DCP2: variants seen among roughly 807,000 people sequenced by gnomAD.
DCP2 encodes decapping mRNA 2.
Under a neutral mutation model 56.1 loss-of-function variants are expected in DCP2, and 30 were observed. The observed-to-expected ratio is 0.53, with a 90% confidence interval of 0.40 to 0.73. The LOEUF (loss-of-function observed/expected upper bound fraction) is 0.73, where lower values mean the gene tolerates loss of function less well. DCP2 is among the 30% of genes least tolerant of loss of function. The pLI is 0.00. For synonymous variants in DCP2, 197 were observed against 163.3 expected (o/e 1.21, Z -1.57); for missense variants, 533 against 502.7 (o/e 1.06, Z -0.58).
intron 2 of DCP2, among the ~76,000 whole-genome samples, chr5:112,990,367 G>A (rs1447037586): frequency 1.3e-5 from 2 of 152,024 alleles, no homozygotes; most frequent in Non-Finnish European, 2.9e-5. Context: ...CCTTCAGTAA[G>A]CACTCAGCAA....
At chr5:113,003,854 A>G in intron 7 of DCP2, 88 bp from the exon 8 acceptor site, 2 of 1,411,836 alleles carry the variant, frequency 1.4e-6, no homozygotes, top group African/African-American at 1.4e-5. Flanking sequence ...ATAAGAAAAT[A>G]TGTAGTCTAT....
At chr5:113,008,517 A>C (rs950530097) in intron 9 of DCP2, among the ~76,000 whole-genome samples, 25 of 152,328 alleles carry the variant, frequency 1.6e-4, no homozygotes, top group Non-Finnish European at 3.1e-4. Flanking sequence ...TCAGTCCTCC[A>C]AAAGTTAATT....
At chr5:112,980,118 T>A (rs2150165846) in intron 1 of DCP2, among the ~76,000 whole-genome samples, 1 of 152,362 alleles carries the variant, frequency 6.6e-6, no homozygotes, top group East Asian at 1.9e-4. Context: ...TGATGAACCA[T>A]GATTTTTGAT....
chr5:113,004,546 T>C (rs1446417277), intron 8 of DCP2, among the ~76,000 whole-genome samples: 1 of 152,252 alleles, frequency 6.6e-6, no homozygotes, highest in East Asian at 1.9e-4. Context: ...ACATTTTGGT[T>C]GTTTCCAGTT....
In DCP2 at chr5:113,016,010, G is replaced by T. The variant is rs1328313496; in HGVS notation, c.*2526G>T. The T allele has an allele frequency of 6.6e-6, 1 of 152,610 alleles. No homozygotes were observed. The highest frequency in any genetic ancestry group is 1.5e-5 in the Non-Finnish European group (1 of 68,028). 9.5% of individuals were successfully genotyped at this position (152,610 alleles called of 1,614,324 possible). On this transcript the variant is annotated 3_prime_UTR_variant, in exon 11 of 11. Coordinates refer to ENST00000389063, the MANE Select transcript of DCP2 (RefSeq NM_152624.6). The stretch of plus-strand genomic sequence containing the variant: ...TTTTATGTCTTTGAGAGAGATACAG[G>T]TCTTGGAATTCACTTTTTAAATGTT...
At chr5:112,979,789 C>T (rs1467653855) in intron 1 of DCP2, among the ~76,000 whole-genome samples, 1 of 152,148 alleles carries the variant, frequency 6.6e-6, no homozygotes, top group Non-Finnish European at 1.5e-5. Context: ...AATTAGCACA[C>T]AGTAAACTGA....
intron 1 of DCP2, among the ~76,000 whole-genome samples, chr5:112,981,094 C>T: frequency 6.6e-6 from 1 of 152,038 alleles, no homozygotes. Flanking sequence ...CTGCAACTTC[C>T]AACTCCTGGA....
intron 2 of DCP2, among the ~76,000 whole-genome samples, chr5:112,987,802 TTC>T (rs1748371285): frequency 6.6e-6 from 1 of 151,908 alleles, no homozygotes; most frequent in African/African-American, 2.4e-5. Flanking sequence ...TCTTTTTTTT[TTC>T]TCTCCTTTTT....
intron 9 of DCP2, among the ~76,000 whole-genome samples, chr5:113,009,717 A>G (rs1015113672): frequency 2.0e-5 from 3 of 152,168 alleles, no homozygotes; most frequent in African/African-American, 7.2e-5. Context: ...AAAAATGACA[A>G]TGTACATTTA....
intron 8 of DCP2, among the ~76,000 whole-genome samples, chr5:113,006,953 T>A (rs2150188641): frequency 6.6e-6 from 1 of 152,084 alleles, no homozygotes; most frequent in Non-Finnish European, 1.5e-5. Context: ...GCCAACAGGG[T>A]GAAAACCTTC....
Position 113,019,141 on chromosome 5 carries a change from T to C in DCP2, c.*5657T>C, listed in dbSNP as rs1361912699. 1 of 152,226 alleles carries C rather than the reference T, an allele frequency of 6.6e-6. No individual in the cohort carries two copies. Among genetic ancestry groups the C allele is most frequent in the Non-Finnish European group, 1.5e-5 (1 of 68,036 alleles). 9.4% of individuals were successfully genotyped at this position (152,226 alleles called of 1,614,324 possible). A position where few individuals can be genotyped will look rare whatever the true frequency, so the allele number is the denominator to read the frequency against. On this transcript the variant is annotated 3_prime_UTR_variant, in exon 11 of 11. Coordinates refer to ENST00000389063, the MANE Select transcript of DCP2 (RefSeq NM_152624.6). ...TTCATTGAATCTGAGGTTCTAAATC[T>C]GTAGCTTCATTTTGAGCACAAGTCT...
At position 113,007,830 on chromosome 5, in the gene DCP2, G is replaced by A; in HGVS notation, c.943-108G>A. The stretch of plus-strand genomic sequence containing the variant: ...ATTAATGAAAATTTGGGTAGGAGAA[G>A]CTTTGCTAAAAACTTGGTTCAACCA... On this transcript the variant is annotated intron_variant, in intron 8 of 10. Transcript: ENST00000389063. 3.3e-6 allele frequency: 3 copies of A among 915,298 alleles called. No homozygotes were observed. The South Asian group carries it at 5.9e-5, about 18-fold the overall frequency. The allele number at this position is 915,298 out of a possible 1,614,324, so 56.7% of individuals were successfully genotyped here.
rs1000739850 is a variant in DCP2, at chr5:112,976,798, C to G, written c.-136C>G. 4.5e-6 allele frequency: 4 copies of G among 896,840 alleles called. No homozygotes were observed. The highest frequency in any genetic ancestry group is 3.3e-5 in the African/African-American group (2 of 61,214). The allele number at this position is 896,840 out of a possible 1,614,324, so 55.6% of individuals were successfully genotyped here. ...TGAGCGGGTCCCGCCCCTTCCCCTTCTCGTCTCCGTTGGAGTCGTCTCTGC... is the reference window on the plus strand; with the variant it reads ...TGAGCGGGTCCCGCCCCTTCCCCTTGTCGTCTCCGTTGGAGTCGTCTCTGC... On this transcript the variant is annotated 5_prime_UTR_variant, in exon 1 of 11. Transcript: ENST00000389063.
intron 8 of DCP2, among the ~76,000 whole-genome samples, chr5:113,006,959 C>A (rs1018351937): frequency 2.6e-5 from 4 of 152,056 alleles, no homozygotes; most frequent in Admixed American, 6.6e-5. Context: ...AGGGTGAAAA[C>A]CTTCACCGTC....
chr5:113,006,398 A>G (rs1172637419), intron 8 of DCP2, among the ~76,000 whole-genome samples: 1 of 152,194 alleles, frequency 6.6e-6, no homozygotes, highest in Non-Finnish European at 1.5e-5. Context: ...CCACTGAATT[A>G]TACATTCACA....
At chr5:112,977,406 C>T (rs1443520947) in intron 1 of DCP2, among the ~76,000 whole-genome samples, 2 of 152,102 alleles carry the variant, frequency 1.3e-5, no homozygotes, top group Non-Finnish European at 2.9e-5. Flanking sequence ...AGGAAGACCC[C>T]CAGGGTAGTA....
chr5:112,991,537 T>G (rs551692876), intron 2 of DCP2, among the ~76,000 whole-genome samples: 1 of 152,334 alleles, frequency 6.6e-6, no homozygotes, highest in East Asian at 1.9e-4. Context: ...TTGTTAAAAG[T>G]GTTCTTCATT....
chr5:112,983,004 G>A (rs1580793092), intron 1 of DCP2, among the ~76,000 whole-genome samples: 1 of 152,160 alleles, frequency 6.6e-6, no homozygotes, highest in Non-Finnish European at 1.5e-5. Context: ...TACAGATAAA[G>A]CAGACTTTAA....
rs758225763 is a variant in DCP2, at chr5:113,000,399, T to TACACAC, written c.433-664_433-659dup. ...TTTTGAAGTGCAATTACTTGTCTAATACACACACACACACACACACACACA... is the reference window on the plus strand; with the variant it reads ...TTTTGAAGTGCAATTACTTGTCTAATACACACACACACACACACACACACACACACA... On this transcript the variant is annotated intron_variant, in intron 4 of 10. Transcript: ENST00000389063. 8.9e-3 allele frequency among the ~76,000 whole-genome samples: 1,099 copies of TACACAC among 123,646 alleles called. 35 individuals carry two copies. The highest frequency in any genetic ancestry group is 0.062 in the East Asian group (276 of 4,438). The allele number at this position is 123,646 out of a possible 152,430, so 81.1% of individuals were successfully genotyped here.
Sources: allele counts gnomAD v4.1 joint callset (sites outside exome capture counted in the v4.1 genomes callset), GRCh38; gene constraint gnomAD v4.1.1; transcripts MANE v1.5; gene names NCBI Gene and HGNC (gene_info 2026-07-23, HGNC 2026-07-21).